RCAN2: variants seen among roughly 807,000 people sequenced by gnomAD.
RCAN2 encodes the protein regulator of calcineurin 2.
A neutral mutation model predicts 23.6 loss-of-function variants in RCAN2; 9 were observed. The ratio of observed to expected loss-of-function variants is 0.38; its 90% CI spans 0.23 to 0.67. RCAN2 has a LOEUF of 0.67. Among genes scored for constraint, RCAN2 ranks in the 30% least tolerant of loss-of-function variants. The pLI is 0.51. For synonymous variants in RCAN2, 109 were observed against 115.7 expected (o/e 0.94, Z 0.37); for missense variants, 273 against 302.3 (o/e 0.90, Z 0.72).
intron 2 of RCAN2, among the ~76,000 whole-genome samples, chr6:46,412,162 A>T (rs1341211712): frequency 6.6e-6 from 1 of 152,086 alleles, no homozygotes; most frequent in Admixed American, 6.6e-5. Flanking sequence ...TGGGACTTGT[A>T]TATGGATTAT....
chr6:46,340,093 AATG>A (rs1764263179), intron 2 of RCAN2, among the ~76,000 whole-genome samples: 1 of 152,196 alleles, frequency 6.6e-6, no homozygotes. Flanking sequence ...TGCATGAGTG[AATG>A]ATAAGATAAG....
chr6:46,301,416 G>T (rs895558409), intron 2 of RCAN2, among the ~76,000 whole-genome samples: 1 of 151,962 alleles, frequency 6.6e-6, no homozygotes, highest in Non-Finnish European at 1.5e-5. Context: ...ATGATCCTGG[G>T]ATAGACATTC....
At chr6:46,272,835 A>T (rs976998706) in intron 2 of RCAN2, among the ~76,000 whole-genome samples, 107 of 152,338 alleles carry the variant, frequency 7.0e-4, no homozygotes, top group African/African-American at 2.5e-3. Context: ...CTTTGTTGTA[A>T]AAGTATAGAC....
intron 2 of RCAN2, among the ~76,000 whole-genome samples, chr6:46,311,236 C>T (rs1366417698): frequency 2.0e-5 from 3 of 152,186 alleles, no homozygotes; most frequent in Non-Finnish European, 4.4e-5. Flanking sequence ...TGCTCTGCCT[C>T]CTGGTTCAGC....
chr6:46,483,420 A>G (rs1427046997), intron 1 of RCAN2, among the ~76,000 whole-genome samples: 1 of 152,140 alleles, frequency 6.6e-6, no homozygotes, highest in African/African-American at 2.4e-5. Context: ...TGTGATTACA[A>G]ACAGAATGGG....
intron 2 of RCAN2, among the ~76,000 whole-genome samples, chr6:46,403,207 C>T (rs562253238): frequency 1.4e-4 from 22 of 152,124 alleles, no homozygotes; most frequent in African/African-American, 4.8e-4. Flanking sequence ...CCTTGTGATC[C>T]GCCCACCTCA....
chr6:46,428,599 T>C (rs1262311712), intron 2 of RCAN2, among the ~76,000 whole-genome samples: 6 of 152,226 alleles, frequency 3.9e-5, no homozygotes, highest in Non-Finnish European at 8.8e-5. Context: ...AAAGTAATCA[T>C]CATGCTTTGG....
intron 2 of RCAN2, among the ~76,000 whole-genome samples, chr6:46,445,130 C>T (rs1767666179): frequency 6.6e-6 from 1 of 152,176 alleles, no homozygotes; most frequent in Non-Finnish European, 1.5e-5. Flanking sequence ...CCTCTTCAGA[C>T]TCAGACTCAA....
At chr6:46,465,764 G>A (rs937565504) in intron 1 of RCAN2, among the ~76,000 whole-genome samples, 16 of 152,370 alleles carry the variant, frequency 1.1e-4, no homozygotes, top group South Asian at 8.3e-4. Flanking sequence ...AGGCTCTGGG[G>A]CACAGGGCGC....
At chr6:46,457,010 C>A (rs1348282327) in intron 1 of RCAN2, 32 bp from the exon 2 acceptor site, 3 of 1,462,186 alleles carry the variant, frequency 2.1e-6, no homozygotes, top group Admixed American at 4.0e-5. Flanking sequence ...TGTGTTACTG[C>A]AGAACAAATT....
intron 2 of RCAN2, among the ~76,000 whole-genome samples, chr6:46,380,812 C>T (rs774598370): frequency 9.9e-5 from 15 of 151,990 alleles, no homozygotes; most frequent in Non-Finnish European, 8.8e-5. Context: ...AAAGAGATAA[C>T]GCATGTAAAA....
intron 2 of RCAN2, among the ~76,000 whole-genome samples, chr6:46,355,882 G>A (rs932468049): frequency 6.6e-6 from 1 of 152,232 alleles, no homozygotes; most frequent in Non-Finnish European, 1.5e-5. Flanking sequence ...GATATTTCCA[G>A]GCCTGGCCTG....
intron 2 of RCAN2, among the ~76,000 whole-genome samples, chr6:46,410,322 C>T (rs1766511625): frequency 6.6e-6 from 1 of 152,192 alleles, no homozygotes; most frequent in African/African-American, 2.4e-5. Flanking sequence ...AATCCCCACT[C>T]ATTCATCCAT....
At chr6:46,360,390 G>A (rs1255962426) in intron 2 of RCAN2, among the ~76,000 whole-genome samples, 2 of 151,632 alleles carry the variant, frequency 1.3e-5, no homozygotes, top group Non-Finnish European at 2.9e-5. Context: ...AAAAATTAGC[G>A]GGGCGTGGTG....
chr6:46,366,141 C>G (rs1765165125), intron 2 of RCAN2, among the ~76,000 whole-genome samples: 1 of 152,224 alleles, frequency 6.6e-6, no homozygotes, highest in South Asian at 2.1e-4. Context: ...TCACCCAGAA[C>G]CAATACAGCG....
intron 2 of RCAN2, among the ~76,000 whole-genome samples, chr6:46,406,931 A>G (rs1453047276): frequency 6.6e-6 from 1 of 152,240 alleles, no homozygotes; most frequent in African/African-American, 2.4e-5. Flanking sequence ...GTGCTGGGCG[A>G]TTCAGTAACA....
At chr6:46,384,854 T>C (rs1473702402) in intron 2 of RCAN2, among the ~76,000 whole-genome samples, 1 of 152,100 alleles carries the variant, frequency 6.6e-6, no homozygotes, top group Admixed American at 6.6e-5. Flanking sequence ...GTGAGGCAAA[T>C]GGATATATAC....
At chr6:46,355,103 TG>T (rs1764784949) in intron 2 of RCAN2, among the ~76,000 whole-genome samples, 1 of 152,208 alleles carries the variant, frequency 6.6e-6, no homozygotes, top group African/African-American at 2.4e-5. Flanking sequence ...TGTTCATACT[TG>T]TGACTGGTAG....
intron 2 of RCAN2, among the ~76,000 whole-genome samples, chr6:46,389,661 T>C (rs1393615536): frequency 1.3e-5 from 2 of 152,238 alleles, no homozygotes; most frequent in East Asian, 1.9e-4. Flanking sequence ...GGTTATGCTA[T>C]GTGGCTTATG....
Sources: allele counts gnomAD v4.1 joint callset (sites outside exome capture counted in the v4.1 genomes callset), GRCh38; gene constraint gnomAD v4.1.1; transcripts MANE v1.5; gene names NCBI Gene and HGNC (gene_info 2026-07-23, HGNC 2026-07-21).